Variants in PARP8 observed in about 807,000 individuals in gnomAD.
PARP8 encodes poly(ADP-ribose) polymerase family member 8, also known as protein mono-ADP-ribosyltransferase PARP8.
Under a neutral mutation model 124.1 loss-of-function variants are expected in PARP8, and 51 were observed. The observed-to-expected ratio is 0.41, with a 90% CI of 0.33 to 0.52. The LOEUF is 0.52. PARP8 is among the 20% of genes least tolerant of loss of function. The probability of loss-of-function intolerance (pLI) is 0.21; values close to 1 mark genes in which losing one functional copy is unlikely to be tolerated. For synonymous variants in PARP8, 391 were observed against 361.5 expected, an observed-to-expected ratio of 1.08 and a Z score of -0.93; for missense variants, 860 against 1,018.9, an observed-to-expected ratio of 0.84 and a Z score of 2.12.
intron 12 of PARP8, among the ~76,000 whole-genome samples, chr5:50,796,031 G>A (rs1292974191): frequency 6.6e-6 from 1 of 152,190 alleles, no homozygotes; most frequent in Non-Finnish European, 1.5e-5. Flanking sequence ...TCCTTTTGAT[G>A]CTATTTATCA....
At chr5:50,788,107 C>A (rs1741480070) in intron 9 of PARP8, among the ~76,000 whole-genome samples, 1 of 147,644 alleles carries the variant, frequency 6.8e-6, no homozygotes, top group East Asian at 2.0e-4. Flanking sequence ...ACTAACTGTC[C>A]TACATGTGGC....
At chr5:50,818,176 GC>G (rs60341773) in intron 15 of PARP8, among the ~76,000 whole-genome samples, 8,477 of 105,418 alleles carry the variant, frequency 0.08, 603 homozygotes, top group African/African-American at 0.21. Context: ...ATATCATTTA[GC>G]CCCCCCCCCC....
chr5:50,727,777 G>A (rs960006463), intron 2 of PARP8, among the ~76,000 whole-genome samples: 1 of 151,954 alleles, frequency 6.6e-6, no homozygotes, highest in African/African-American at 2.4e-5. Context: ...TCCCATCATC[G>A]CATCCTGCAG....
chr5:50,686,666 A>G (rs554312361), intron 2 of PARP8, among the ~76,000 whole-genome samples: 2 of 152,160 alleles, frequency 1.3e-5, no homozygotes, highest in African/African-American at 4.8e-5. Context: ...AGGCATTTCC[A>G]TACATCCTCT....
chr5:50,731,029 G>A lies in PARP8; in HGVS notation c.147-19122G>A, dbSNP rs761780228. ...ACAAACTAATCAGAAGTTTCTTGCC[G>A]TAAGCAAAAAAGGTCAGTGCGAAAA... On this transcript the variant is annotated intron_variant, in intron 2 of 25. Coordinates refer to ENST00000281631, the MANE Select transcript of PARP8 (RefSeq NM_024615.4). Among the ~76,000 whole-genome samples, 11 of 152,272 alleles carry A rather than the reference G, an allele frequency of 7.2e-5. 1 individual carries two copies. Among genetic ancestry groups the A allele is most frequent in the Middle Eastern group, 3.4e-3 (1 of 294 alleles).
At chr5:50,773,259 G>A (rs1361669333) in intron 7 of PARP8, among the ~76,000 whole-genome samples, 1 of 152,196 alleles carries the variant, frequency 6.6e-6, no homozygotes, top group East Asian at 1.9e-4. Context: ...CCAGACAAAT[G>A]CCATGAAGCA....
Position 50,666,856 on chromosome 5 carries a change from C to G in PARP8, c.-240C>G. 1 of 1,370,128 alleles carries G rather than the reference C, an allele frequency of 7.3e-7. No homozygotes were observed. Among genetic ancestry groups the G allele is most frequent in the Non-Finnish European group, 9.4e-7 (1 of 1,061,050 alleles). The allele number at this position is 1,370,128 out of a possible 1,614,324, so 84.9% of individuals were successfully genotyped here. A position where few individuals can be genotyped will look rare whatever the true frequency, so the allele number is the denominator to read the frequency against. ...GGAGGAAATTGGAATCCAGCAGCGGCGAGCAGCAGCTGGGCGGTCACATCT... is the reference window on the plus strand; with the variant it reads ...GGAGGAAATTGGAATCCAGCAGCGGGGAGCAGCAGCTGGGCGGTCACATCT... On this transcript the variant is annotated 5_prime_UTR_variant, in exon 1 of 26. Coordinates refer to ENST00000281631, the MANE Select transcript of PARP8 (RefSeq NM_024615.4).
At chr5:50,780,607 T>C (rs1234078280) in intron 9 of PARP8, among the ~76,000 whole-genome samples, 2 of 152,214 alleles carry the variant, frequency 1.3e-5, no homozygotes, top group Admixed American at 1.3e-4. Context: ...TTAGATTATT[T>C]TAATGTTCAG....
chr5:50,820,365 G>A (rs1328207513), intron 15 of PARP8, among the ~76,000 whole-genome samples: 1 of 152,128 alleles, frequency 6.6e-6, no homozygotes, highest in East Asian at 1.9e-4. Flanking sequence ...AGATATGTCT[G>A]TTCAGGTGAA....
chr5:50,692,574 G>T (rs1345537301), intron 2 of PARP8, among the ~76,000 whole-genome samples: 2 of 151,900 alleles, frequency 1.3e-5, no homozygotes, highest in Non-Finnish European at 2.9e-5. Context: ...GAAGTACTCA[G>T]TCAAGGCTTT....
At chr5:50,837,946 G>A (rs1435634819) in intron 25 of PARP8, among the ~76,000 whole-genome samples, 2 of 152,096 alleles carry the variant, frequency 1.3e-5, no homozygotes, top group Non-Finnish European at 2.9e-5. Context: ...TCTAGAAACT[G>A]TGAGTAAAGC....
chr5:50,829,432 T>G (rs1285739311), intron 21 of PARP8, among the ~76,000 whole-genome samples: 1 of 152,200 alleles, frequency 6.6e-6, no homozygotes, highest in African/African-American at 2.4e-5. Flanking sequence ...TTAGTTGATC[T>G]GAGTATAGTT....
chr5:50,832,649 C>T, intron 22 of PARP8, 132 bp from the exon 23 acceptor site: 1 of 774,452 alleles, frequency 1.3e-6, no homozygotes, highest in East Asian at 2.9e-5. Flanking sequence ...AGGGCACAGC[C>T]CTTTGTTACT....
At chr5:50,789,897 A>T (rs1474306551) in intron 10 of PARP8, among the ~76,000 whole-genome samples, 3 of 152,202 alleles carry the variant, frequency 2.0e-5, no homozygotes, top group African/African-American at 7.2e-5. Flanking sequence ...ACTGAGCAAT[A>T]TTCTAAGGGA....
chr5:50,812,150 T>C (rs1744529040), intron 14 of PARP8, among the ~76,000 whole-genome samples: 1 of 152,160 alleles, frequency 6.6e-6, no homozygotes, highest in Admixed American at 6.5e-5. Flanking sequence ...TCCATCCAGA[T>C]CCTTGAGGAA....
Position 50,667,140 on chromosome 5 carries a change from C to G in PARP8, c.45C>G (p.Asp15Glu), listed in dbSNP as rs745308798. The part of the protein sequence containing the change: ...SRQERIQKDI[D>E]VVIQKSRAEK... ...AAGAGCGAATTCAGAAGGATATCGA[C>G]GTCGTGATCCAGAAGTCCAGAGCTG... Residue 15 changes from aspartate to glutamate, a missense_variant, in exon 1 of 26, where the codon GAC becomes GAG. By Grantham distance (45) the Asp-to-Glu change is conservative. Coordinates refer to ENST00000281631, the MANE Select transcript of PARP8 (RefSeq NM_024615.4). 1.9e-6 allele frequency: 3 copies of G among 1,596,372 alleles called. No homozygotes were observed. Among genetic ancestry groups the G allele is most frequent in the Non-Finnish European group, 2.5e-6 (3 of 1,179,758 alleles).
At chr5:50,756,783 T>C (rs1361391007) in intron 3 of PARP8, among the ~76,000 whole-genome samples, 1 of 152,182 alleles carries the variant, frequency 6.6e-6, no homozygotes, top group Non-Finnish European at 1.5e-5. Flanking sequence ...GTGTTCATTT[T>C]ATAGCTTTAA....
At chr5:50,738,655 G>A (rs536876494) in intron 2 of PARP8, among the ~76,000 whole-genome samples, 2 of 150,042 alleles carry the variant, frequency 1.3e-5, no homozygotes, top group East Asian at 3.9e-4. Flanking sequence ...CTGGGCCACA[G>A]TGGAAGAATT....
intron 9 of PARP8, among the ~76,000 whole-genome samples, chr5:50,788,127 T>C (rs1227732841): frequency 6.8e-6 from 1 of 147,180 alleles, no homozygotes; most frequent in Non-Finnish European, 1.5e-5. Context: ...CCAGTTCAGC[T>C]GTTGCTTACT....
Sources: gnomAD v4.1 joint callset for allele counts (sites outside exome capture counted in the v4.1 genomes callset) on GRCh38, gnomAD v4.1.1 for gene constraint, MANE v1.5 for transcripts, NCBI Gene and HGNC (gene_info 2026-07-23, HGNC 2026-07-21) for gene names.